Variants in IGSF1 observed in about 807,000 individuals in gnomAD.
The protein encoded by IGSF1 is immunoglobulin superfamily member 1.
IGSF1 carries 40 observed loss-of-function variants against 95.3 expected under a neutral mutation model. The ratio of observed to expected loss-of-function variants is 0.42; its 90% CI spans 0.33 to 0.55. IGSF1 has a LOEUF of 0.55. Ranked by LOEUF, IGSF1 falls within the 20% of genes least tolerant of loss-of-function variation. The pLI, the probability that IGSF1 is intolerant of heterozygous loss-of-function variation, is 0.10. For synonymous variants in IGSF1, 372 were observed against 382.9 expected, an observed-to-expected ratio of 0.97 and a Z score of 0.33; for missense variants, 906 against 1,025.4, an observed-to-expected ratio of 0.88 and a Z score of 1.59.
chrX:131,275,383 C>T, intron 16 of IGSF1, 95 bp downstream of exon 16: 1 of 1,131,330 alleles, frequency 8.8e-7, no homozygotes, highest in Non-Finnish European at 1.2e-6. Context: ...CAATTGGTTG[C>T]CTCTCCTCGA....
At chrX:131,279,046 T>C in intron 11 of IGSF1, 97 bp downstream of exon 11, 1 of 951,009 alleles carries the variant, frequency 1.1e-6, no homozygotes, top group South Asian at 2.0e-5. Flanking sequence ...TGCCCTTCCC[T>C]CCCAACCAGC....
At chrX:131,277,389 A>G in intron 13 of IGSF1, 163 bp from the exon 14 acceptor site, 1 of 499,247 alleles carries the variant, frequency 2.0e-6, no homozygotes, top group Non-Finnish European at 3.2e-6. Context: ...CACTTTGCAG[A>G]TGGACTTCTC....
chrX:131,288,875 A>G (rs1394296880), intron 1 of IGSF1: 6 of 178,121 alleles, frequency 3.4e-5, no homozygotes, highest in Non-Finnish European at 4.3e-5. Context: ...TGAAATGTCT[A>G]ATGGCTCGCC....
chrX:131,279,620 G>T (rs755188820), intron 9 of IGSF1, among the ~76,000 whole-genome samples: 51 of 108,261 alleles, frequency 4.7e-4, no homozygotes, highest in Non-Finnish European at 9.0e-4. Context: ...CCCTGATTAG[G>T]TTGTTGCTGG....
Position 131,285,294 on chromosome X carries a change from G to A in IGSF1, c.552C>T (p.Phe184=), listed in dbSNP as rs2080618732. The A allele has an allele frequency of 1.7e-6, 2 of 1,209,825 alleles. No individual in the cohort carries two copies. Among genetic ancestry groups the A allele is most frequent in the Non-Finnish European group, 2.2e-6 (2 of 893,536 alleles). The change falls in exon 5 of 20, where the codon TTC becomes TTT. Residue 184 remains phenylalanine (F), a synonymous_variant. Transcript: ENST00000361420. Reference sequence around the variant, plus strand: ...CCTCAGGTGTCAGGTTGTCAATGGAGAATATGGCCATTGTCCCAGTTGGGA... The same window carrying A: ...CCTCAGGTGTCAGGTTGTCAATGGAAAATATGGCCATTGTCCCAGTTGGGA... ...YQVPTGTMAI[F]SIDNLTPEDE... is the part of the protein sequence containing the mutation.
Position 131,281,199 on chromosome X carries a change from G to A in IGSF1, c.1646+19C>T, listed in dbSNP as rs1264462340. On this transcript the variant is annotated intron_variant, in intron 9 of 19. Transcript: ENST00000361420. ...ACTCTGTTAGGTTGGGGAACAGGGG[G>A]CTGGGACAAGACAGTTACCTGATTC... The A allele has an allele frequency of 5.8e-6, 7 of 1,207,293 alleles. No homozygotes were observed. The highest frequency in any genetic ancestry group is 7.8e-6 in the Non-Finnish European group (7 of 893,649).
chrX:131,285,501 C>T (rs1017217479), intron 4 of IGSF1, 35 bp from the exon 5 acceptor site: 3 of 1,178,818 alleles, frequency 2.5e-6, no homozygotes. Flanking sequence ...TTAGGTAAAG[C>T]AAGGATAGTA....
At chrX:131,281,406 G>A (rs2080557446) in intron 8 of IGSF1, 68 bp from the exon 9 acceptor site, 2 of 1,151,068 alleles carry the variant, frequency 1.7e-6, no homozygotes, top group Non-Finnish European at 2.4e-6. Context: ...CATTCATGGG[G>A]TGAGGACAAT....
At chrX:131,279,229 C>G in intron 10 of IGSF1, 42 bp downstream of exon 10, 2 of 1,209,091 alleles carry the variant, frequency 1.7e-6, no homozygotes, top group Non-Finnish European at 2.2e-6. Flanking sequence ...GGGACTTCAC[C>G]CCGGCCTTCT....
chrX:131,279,563 C>T (rs1034053441), intron 9 of IGSF1, among the ~76,000 whole-genome samples: 1 of 109,746 alleles, frequency 9.1e-6, no homozygotes, highest in African/African-American at 3.3e-5. Flanking sequence ...GTCCCCCCCG[C>T]CCCCTCCCCA....
intron 9 of IGSF1, 54 bp from the exon 10 acceptor site, chrX:131,279,395 G>A (rs2080524444): frequency 9.6e-7 from 1 of 1,037,589 alleles, no homozygotes; most frequent in Non-Finnish European, 1.4e-6. Flanking sequence ...GGGGAGGGTG[G>A]AGGAAAGGGG....
At chrX:131,274,933 C>T in intron 17 of IGSF1, 56 bp from the exon 18 acceptor site, 2 of 1,196,920 alleles carry the variant, frequency 1.7e-6, no homozygotes, top group Non-Finnish European at 2.3e-6. Context: ...TAGCCTTTTA[C>T]CCCCTTATTG....
Position 131,277,809 on chromosome X carries a change from T to C in IGSF1, c.2320+47A>G, listed in dbSNP as rs763684364. 2.6e-6 allele frequency: 3 copies of C among 1,159,578 alleles called. No homozygotes were observed. In the African/African-American group the frequency reaches 5.4e-5, roughly 21 times the overall value. ...GAGTGTCTGACCCAGGGCTTTGCCT[T>C]TCCCTCCACCCTGCCCCCTTTCCTC... On this transcript the variant is annotated intron_variant, in intron 13 of 19. Transcript: ENST00000361420.
intron 1 of IGSF1, among the ~76,000 whole-genome samples, chrX:131,287,991 G>A (rs1298973520): frequency 8.9e-6 from 1 of 111,948 alleles, no homozygotes; most frequent in Non-Finnish European, 1.9e-5. Flanking sequence ...TTGGACCTCA[G>A]CCTCAAACTT....
Position 131,274,143 on chromosome X carries a change from A to G in IGSF1, c.3815T>C (p.Val1272Ala). 1 of 1,211,407 alleles carries G rather than the reference A, an allele frequency of 8.3e-7. No homozygotes were observed. The highest frequency in any genetic ancestry group is 1.1e-6 in the Non-Finnish European group (1 of 895,199). Residue 1272 changes from valine to alanine, a missense_variant, in exon 19 of 20, where the codon GTT (valine) becomes GCT (alanine). By Grantham distance (64) the Val-to-Ala change is moderately conservative (BLOSUM62 0). This residue lies in a region of IGSF1 where 411 missense variants were observed against 494.9 expected (regional missense o/e 0.83). Coordinates refer to ENST00000361420, the MANE Select transcript of IGSF1 (RefSeq NM_001555.5). Reference protein sequence around the residue: ...IVRSSLIVVVVVALGVVLAIE... With the variant: ...IVRSSLIVVVAVALGVVLAIE... ...GGCTAGCACTACCCCCAAGGCTACA[A>G]CAACCACCACGATTAGGCTACTTCG...
In IGSF1 at chrX:131,286,820, C is replaced by G. The variant is rs2080646752; in HGVS notation, c.-67-79G>C. 4 of 438,979 alleles carry G rather than the reference C, an allele frequency of 9.1e-6. No homozygotes were observed. In the South Asian group the frequency reaches 2.0e-4, roughly 21 times the overall value. 36.2% of individuals were successfully genotyped at this position (438,979 alleles called of 1,213,427 possible). ...GTTTAGATGGCTAAATTGCACTTGACAACCCTACATTGTACTTCCTCACAG... is the reference window on the plus strand; with the variant it reads ...GTTTAGATGGCTAAATTGCACTTGAGAACCCTACATTGTACTTCCTCACAG... On this transcript the variant is annotated intron_variant, in intron 1 of 19. Transcript: ENST00000361420.
At position 131,277,631 on chromosome X, in the gene IGSF1, A is replaced by T. The variant is rs184334647; in HGVS notation, c.2320+225T>A. Reference sequence around the variant, plus strand: ...TGATGTGAAAATAATTAGAAAAATTAAATCACCCTCCACGAACCAAAGCTA... The same window carrying T: ...TGATGTGAAAATAATTAGAAAAATTTAATCACCCTCCACGAACCAAAGCTA... On this transcript the variant is annotated intron_variant, in intron 13 of 19. Transcript: ENST00000361420. 111 of 397,024 alleles carry T rather than the reference A, an allele frequency of 2.8e-4. No homozygotes were observed. The East Asian group carries it at 3.4e-3, about 12-fold the overall frequency. The allele number at this position is 397,024 out of a possible 1,213,427, so 32.7% of individuals were successfully genotyped here.
rs2080509655 is a variant in IGSF1 at position 131,278,531 on chromosome X, G to A, written c.1971C>T (p.Ser657=). 2.3e-5 allele frequency: 28 copies of A among 1,208,847 alleles called. No homozygotes were observed. The highest frequency in any genetic ancestry group is 3.1e-5 in the Non-Finnish European group (28 of 894,198). The part of the protein sequence containing the change: ...LGALTQSHTG[S]YHCHSWEEMA... ...TCTCCTCCCATGAATGGCAGTGGTA[G>A]CTCCCGGTGTGGCTCTGGGTCAGGG... is the stretch of plus-strand genomic sequence containing the variant. The change falls in exon 12 of 20, where the codon AGC becomes AGT. Residue 657 remains serine, a synonymous_variant. Transcript: ENST00000361420.
rs750903109 is a variant in IGSF1, at chrX:131,275,321, G to A, written c.3185-35C>T. ...ATGAACTCCTGGTCAAAGAGAAGAG[G>A]TCACTTTCCAGTGCATCACCCCTGG... On this transcript the variant is annotated intron_variant, in intron 16 of 19. Coordinates refer to ENST00000361420, the MANE Select transcript of IGSF1 (RefSeq NM_001555.5). 7.6e-6 allele frequency: 9 copies of A among 1,190,419 alleles called. No individual in the cohort carries two copies. In the South Asian group the frequency reaches 1.1e-4, roughly 14 times the overall value.
Sources: gnomAD v4.1 joint callset for allele counts (sites outside exome capture counted in the v4.1 genomes callset) on GRCh38, gnomAD v4.1.1 for gene constraint, gnomAD v4.1.1 regional missense constraint, MANE v1.5 for transcripts, NCBI Gene and HGNC (gene_info 2026-07-23, HGNC 2026-07-21) for gene names.